The following CDC45 variants were observed in gnomAD, a reference collection of about 807,000 sequenced individuals.
The protein encoded by CDC45 is cell division control protein 45 homolog.
A neutral mutation model predicts 77.8 loss-of-function variants in CDC45; 54 were observed. The observed-to-expected ratio is 0.69, with a 90% CI of 0.56 to 0.87. The LOEUF (loss-of-function observed/expected upper bound fraction) is 0.87, where lower values mean the gene tolerates loss of function less well. Ranked by LOEUF, CDC45 falls within the 40% of genes least tolerant of loss-of-function variation. CDC45 has a pLI of 0.00. For missense variants in CDC45, 649 were observed against 721.6 expected (o/e 0.90, Z 1.15); for synonymous variants, 260 against 272.1 (o/e 0.96, Z 0.44).
At chr22:19,504,030 T>C (rs1933012619) in intron 9 of CDC45, among the ~76,000 whole-genome samples, 1 of 152,236 alleles carries the variant, frequency 6.6e-6, no homozygotes, top group Admixed American at 6.5e-5. Flanking sequence ...TTTGGGCTTG[T>C]CTCTGGGTCC....
Position 19,518,434 on chromosome 22 carries a change from C to T in CDC45, c.1637-410C>T, listed in dbSNP as rs143996949. 1.0e-3 allele frequency among the ~76,000 whole-genome samples: 158 copies of T among 152,292 alleles called. No individual in the cohort carries two copies. The Middle Eastern group carries it at 0.017, about 16-fold the overall frequency. On this transcript the variant is annotated intron_variant, in intron 17 of 18. Coordinates refer to ENST00000263201, the MANE Select transcript of CDC45 (RefSeq NM_003504.5). ...GCAGTTTGCACCATGTCCCCTTGTG[C>T]GGAAGAGAACACTGAAGCCGAGGAA...
chr22:19,515,265 C>T (rs1022714235), intron 15 of CDC45, among the ~76,000 whole-genome samples: 29 of 152,222 alleles, frequency 1.9e-4, no homozygotes, highest in Admixed American at 1.9e-3. Context: ...CTGTCTAAGT[C>T]ACTCAGACAA....
At chr22:19,505,569 C>G (rs1170098541) in intron 10 of CDC45, 88 bp downstream of exon 10, 2 of 1,475,052 alleles carry the variant, frequency 1.4e-6, no homozygotes. Context: ...GGGTTCTGGC[C>G]ACATCCCCAG....
Position 19,499,165 on chromosome 22 carries a change from C to A in CDC45, c.704+14C>A. 1 of 1,613,784 alleles carries A rather than the reference C, an allele frequency of 6.2e-7. No individual in the cohort carries two copies. On this transcript the variant is annotated intron_variant, in intron 9 of 18. Coordinates refer to ENST00000263201, the MANE Select transcript of CDC45 (RefSeq NM_003504.5). Reference sequence around the variant, plus strand: ...CAAGATCACTCAGTAAGGACACACTCCCTTGCCTTGCAGGGTCAGCCCTGT... The same window carrying A: ...CAAGATCACTCAGTAAGGACACACTACCTTGCCTTGCAGGGTCAGCCCTGT...
At chr22:19,487,913 A>AG (rs2090096994) in intron 5 of CDC45, among the ~76,000 whole-genome samples, 1 of 149,584 alleles carries the variant, frequency 6.7e-6, no homozygotes, top group Admixed American at 6.6e-5. Flanking sequence ...TCCGTCTCAA[A>AG]AAAAAAAAAA....
chr22:19,486,353 T>C (rs1164870909), intron 5 of CDC45, among the ~76,000 whole-genome samples: 1 of 152,252 alleles, frequency 6.6e-6, no homozygotes, highest in Non-Finnish European at 1.5e-5. Flanking sequence ...CAAAATATAT[T>C]TTGCAGCTAT....
chr22:19,484,747 A>G (rs1411794198), intron 5 of CDC45, among the ~76,000 whole-genome samples: 1 of 152,130 alleles, frequency 6.6e-6, no homozygotes, highest in Non-Finnish European at 1.5e-5. Flanking sequence ...TGAGATGTTC[A>G]AGACATTCTT....
chr22:19,501,358 C>G lies in CDC45; in HGVS notation c.704+2207C>G, dbSNP rs577484008. 2.2e-4 allele frequency among the ~76,000 whole-genome samples: 34 copies of G among 152,264 alleles called. 1 individual carries two copies. The highest frequency in any genetic ancestry group is 7.9e-4 in the African/African-American group (33 of 41,562). ...CTGTTGCTGGTGCCCTGCCTGTTGA[C>G]GGAGCAGTGTCAACCTTCGGTGCAT... is the stretch of plus-strand genomic sequence containing the variant. On this transcript the variant is annotated intron_variant, in intron 9 of 18. Coordinates refer to ENST00000263201, the MANE Select transcript of CDC45 (RefSeq NM_003504.5).
At chr22:19,483,748 T>C in intron 4 of CDC45, 114 bp from the exon 5 acceptor site, 1 of 1,038,364 alleles carries the variant, frequency 9.6e-7, no homozygotes, top group East Asian at 2.5e-5. Flanking sequence ...GCTATTTGTA[T>C]GAACAGGAAA....
Position 19,479,967 on chromosome 22 carries a change from C to CTA in CDC45, c.1_2dup. 1 of 1,613,488 alleles carries CTA rather than the reference C, an allele frequency of 6.2e-7. No individual in the cohort carries two copies. The highest frequency in any genetic ancestry group is 8.5e-7 in the Non-Finnish European group (1 of 1,180,032). On this transcript the variant is annotated 5_prime_UTR_variant, in exon 1 of 19. Coordinates refer to ENST00000263201, the MANE Select transcript of CDC45 (RefSeq NM_003504.5). The stretch of plus-strand genomic sequence containing the variant: ...AGCGCCAGGCGTCCGGCCGCCGTGG[C>CTA]TATGTTCGTGTCCGATTTCCGCAAA...
chr22:19,510,416 C>T (rs1332108477), intron 13 of CDC45, among the ~76,000 whole-genome samples: 1 of 152,200 alleles, frequency 6.6e-6, no homozygotes, highest in East Asian at 1.9e-4. Context: ...CTGTTCTGAG[C>T]ATTTCATACA....
chr22:19,491,249 G>A (rs2090148928), intron 5 of CDC45, among the ~76,000 whole-genome samples: 1 of 152,100 alleles, frequency 6.6e-6, no homozygotes, highest in Admixed American at 6.6e-5. Flanking sequence ...AAACTCAAGA[G>A]GATAAGTAAG....
At chr22:19,505,177 C>T in intron 9 of CDC45, 185 bp from the exon 10 acceptor site, 1 of 643,740 alleles carries the variant, frequency 1.6e-6, no homozygotes, top group Non-Finnish European at 2.7e-6. Flanking sequence ...CCCGCTCCAT[C>T]CAATCATGTT....
rs757901851 is a variant in CDC45 at position 19,508,651 on chromosome 22, G to A, written c.1177G>A (p.Gly393Arg). 9 of 1,614,208 alleles carry A rather than the reference G, an allele frequency of 5.6e-6. No homozygotes were observed. The Admixed American group carries it at 8.3e-5, about 15-fold the overall frequency. Residue 393 changes from glycine to arginine, a missense_variant, in exon 13 of 19, where the codon GGG becomes AGG. Transcript: ENST00000263201. Reference sequence around the variant, plus strand: ...GGAGAGCCCCGAGAAGGATGGCTCAGGGACAGATCACTTCATCCAGGCTCT... The same window carrying A: ...GGAGAGCCCCGAGAAGGATGGCTCAAGGACAGATCACTTCATCCAGGCTCT... Reference protein sequence around the residue: ...LMESPEKDGSGTDHFIQALDS... With the variant: ...LMESPEKDGSRTDHFIQALDS...
Position 19,499,079 on chromosome 22 carries a change from C to G in CDC45, c.654-22C>G, listed in dbSNP as rs763285279. On this transcript the variant is annotated intron_variant, in intron 8 of 18. Coordinates refer to ENST00000263201, the MANE Select transcript of CDC45 (RefSeq NM_003504.5). ...AGCCCAGGTGGGCTATAGGCCGGCT[C>G]CACTGCCTTCTCTTCTTCCAGGTGG... The G allele has an allele frequency of 2.5e-6, 4 of 1,613,730 alleles. No individual in the cohort carries two copies. The African/African-American group carries it at 5.3e-5, about 22-fold the overall frequency.
intron 8 of CDC45, among the ~76,000 whole-genome samples, chr22:19,497,877 A>G (rs73162616): frequency 0.044 from 6,705 of 152,118 alleles, 214 homozygotes; most frequent in Middle Eastern, 0.15. Context: ...AGCCTGGGCA[A>G]TGAAGTGAAA....
chr22:19,503,445 G>T (rs1257696460), intron 9 of CDC45, among the ~76,000 whole-genome samples: 1 of 152,144 alleles, frequency 6.6e-6, no homozygotes, highest in African/African-American at 2.4e-5. Flanking sequence ...TCAGCCCCCA[G>T]CACCTTTGAT....
chr22:19,512,957 A>G (rs1256964274), intron 13 of CDC45, among the ~76,000 whole-genome samples: 1 of 152,176 alleles, frequency 6.6e-6, no homozygotes, highest in Non-Finnish European at 1.5e-5. Flanking sequence ...GTGGGTGCAG[A>G]GACCATGTGG....
chr22:19,504,487 CG>C (rs1004730782), intron 9 of CDC45, among the ~76,000 whole-genome samples: 3 of 152,064 alleles, frequency 2.0e-5, no homozygotes, highest in African/African-American at 7.2e-5. Context: ...GTAATAGAGA[CG>C]GGGTTTCTTC....
Sources: allele counts gnomAD v4.1 joint callset (sites outside exome capture counted in the v4.1 genomes callset), GRCh38; gene constraint gnomAD v4.1.1; transcripts MANE v1.5; gene names NCBI Gene and HGNC (gene_info 2026-07-23, HGNC 2026-07-21).